Variants in GCN1 observed in about 807,000 individuals in gnomAD.
The protein encoded by GCN1 is stalled ribosome sensor GCN1.
A neutral mutation model predicts 288.4 loss-of-function variants in GCN1; 90 were observed. That is an observed-to-expected ratio of 0.31 (90% CI 0.26 to 0.37). The LOEUF is 0.37. Among genes scored for constraint, GCN1 ranks in the 10% least tolerant of loss-of-function variants. GCN1 has a pLI of 1.00. For synonymous variants in GCN1, 1,386 were observed against 1,420.2 expected (o/e 0.98, Z 0.54); for missense variants, 2,586 against 3,419.9 (o/e 0.76, Z 6.08).
At position 120,158,691 on chromosome 12, in the gene GCN1, C is replaced by T. The variant is rs1877830970; in HGVS notation, c.2750-76G>A. 4.1e-6 allele frequency: 5 copies of T among 1,231,556 alleles called. No individual in the cohort carries two copies. In the South Asian group the frequency reaches 6.0e-5, roughly 15 times the overall value. The allele number at this position is 1,231,556 out of a possible 1,614,324, so 76.3% of individuals were successfully genotyped here. A position where few individuals can be genotyped will look rare whatever the true frequency, so the allele number is the denominator to read the frequency against. ...ATCCAGCCCAGGCTAAAACAGGGGA[C>T]CCAGTGCCTCATCCTTCTGACTTAA... On this transcript the variant is annotated intron_variant, in intron 24 of 57. Transcript: ENST00000300648. The surrounding 1 kb of genome is among the most constrained non-coding windows in gnomAD (Gnocchi z 4.3).
intron 26 of GCN1, 109 bp downstream of exon 26, chr12:120,157,740 A>G (rs1877794778): frequency 1.1e-6 from 1 of 900,014 alleles, no homozygotes; most frequent in African/African-American, 1.7e-5. Context: ...GTATAAACAT[A>G]CACTCTCTAT....
chr12:120,155,657 G>A lies in GCN1; in HGVS notation c.3375C>T (p.Asn1125=), dbSNP rs753075358. ...TGACCACCCAGAGTCTCCGCAGAAG[G>A]TTCAGGCCATTCTTCTCATCAGTAT... The part of the protein sequence containing the change: ...APDTDEKNGL[N]LLRRLWVVKF... Residue 1125 remains asparagine (N), a synonymous_variant, in exon 29 of 58, where the codon AAC becomes AAT. Transcript: ENST00000300648. The surrounding 1 kb of genome is among the most constrained non-coding windows in gnomAD (Gnocchi z 4.9). 10 of 1,613,948 alleles carry A rather than the reference G, an allele frequency of 6.2e-6. No homozygotes were observed. The South Asian group carries it at 6.6e-5, about 11-fold the overall frequency.
Position 120,134,448 on chromosome 12 carries a change from C to A in GCN1, c.7203-43G>T, listed in dbSNP as rs757888191. The A allele has an allele frequency of 2.8e-5, 44 of 1,585,304 alleles. No individual in the cohort carries two copies. The highest frequency in any genetic ancestry group is 3.8e-5 in the Non-Finnish European group (44 of 1,154,200). On this transcript the variant is annotated intron_variant, in intron 52 of 57. Transcript: ENST00000300648. The surrounding 1 kb of genome is among the most constrained non-coding windows in gnomAD (Gnocchi z 5.0). ...CGCCTTAAGCCCTGGGTGCCTCCAC[C>A]ACCACCCCTCCTGCCAGCGCAGGCT... is the stretch of plus-strand genomic sequence containing the variant.
rs773148737 is a variant in GCN1, at chr12:120,137,591, G to A, written c.6617C>T (p.Pro2206Leu). ...ATCCCAGCTCTCCTCCAGAACCACA[G>A]GGCTGGAGTCATTGAAGAGGCGGAT... is the stretch of plus-strand genomic sequence containing the variant. ...GLIRLFNDSS[P>L]VVLEESWDAL... is the part of the protein sequence containing the mutation. The change falls in exon 49 of 58, where the codon CCT (proline) becomes CTT (leucine). Residue 2206 changes from proline (P) to leucine (L), a missense_variant. Around this residue, in one of 8 missense-constraint regions of GCN1, gnomAD observed 437 missense variants for 570.5 expected, o/e 0.77. Transcript: ENST00000300648. The surrounding 1 kb of genome is among the most constrained non-coding windows in gnomAD (Gnocchi z 5.2). The A allele has an allele frequency of 1.2e-6, 2 of 1,614,132 alleles. No individual in the cohort carries two copies. Among genetic ancestry groups the A allele is most frequent in the African/African-American group, 1.3e-5 (1 of 74,946 alleles).
chr12:120,187,106 TAGGCATAAGC>T (rs1878845508), intron 2 of GCN1, among the ~76,000 whole-genome samples: 1 of 152,084 alleles, frequency 6.6e-6, no homozygotes, highest in African/African-American at 2.4e-5. Flanking sequence ...GGTATCTTAC[TAGGCATAAGC>T]AGGTCAGAAG....
rs1211122366 is a variant in GCN1, at chr12:120,127,587, A to G, written c.*262T>C. The G allele has an allele frequency of 2.4e-6, 1 of 412,156 alleles. No individual in the cohort carries two copies. Among genetic ancestry groups the G allele is most frequent in the East Asian group, 4.8e-5 (1 of 20,700 alleles). The allele number at this position is 412,156 out of a possible 1,614,324, so 25.5% of individuals were successfully genotyped here. A position where few individuals can be genotyped will look rare whatever the true frequency, so the allele number is the denominator to read the frequency against. On this transcript the variant is annotated 3_prime_UTR_variant, in exon 58 of 58. Coordinates refer to ENST00000300648, the MANE Select transcript of GCN1 (RefSeq NM_006836.2). ...TCCAGACCTAGCCATGCTAAACTGG[A>G]CAAACAGCTCCTGGGCTGCCATTTG...
chr12:120,150,564 A>G (rs1877509405), intron 34 of GCN1, among the ~76,000 whole-genome samples: 2 of 149,906 alleles, frequency 1.3e-5, no homozygotes, highest in Admixed American at 1.3e-4. Flanking sequence ...CTGGAGACAG[A>G]GTGGGACTCC....
chr12:120,152,496 T>C (rs1250318402), intron 33 of GCN1, among the ~76,000 whole-genome samples: 2 of 133,192 alleles, frequency 1.5e-5, no homozygotes, highest in Non-Finnish European at 3.1e-5. Context: ...TTATTTGCAC[T>C]GTAGCTTAGA....
chr12:120,157,685 G>A (rs1028131444), intron 26 of GCN1, among the ~76,000 whole-genome samples, 164 bp downstream of exon 26: 3 of 152,196 alleles, frequency 2.0e-5, no homozygotes, highest in African/African-American at 7.2e-5. Flanking sequence ...AGTCTGACCC[G>A]TTTTTGCCTT....
chr12:120,175,294 G>T, intron 11 of GCN1, 82 bp from the exon 12 acceptor site: 2 of 1,222,028 alleles, frequency 1.6e-6, no homozygotes, highest in Non-Finnish European at 2.4e-6. Flanking sequence ...CGTGTGTGAT[G>T]CCACGATACG....
intron 2 of GCN1, among the ~76,000 whole-genome samples, chr12:120,185,700 A>G (rs568810266): frequency 6.6e-6 from 1 of 152,244 alleles, no homozygotes; most frequent in East Asian, 1.9e-4. Flanking sequence ...TCCCAGGTTC[A>G]AGTGATTCTC....
Position 120,134,778 on chromosome 12 carries a change from A to C in GCN1, c.7009-52T>G. ...AGACAGTTGTGGTAGACCCAAAGCC[A>C]CAGTGTACCACAGGCATGAGAACAA... On this transcript the variant is annotated intron_variant, in intron 51 of 57. Transcript: ENST00000300648. This position sits in a 1 kb window ranked among gnomAD's most constrained non-coding sequence, Gnocchi z 5.0. 1 of 1,421,106 alleles carries C rather than the reference A, an allele frequency of 7.0e-7. No individual in the cohort carries two copies. Among genetic ancestry groups the C allele is most frequent in the South Asian group, 1.2e-5 (1 of 86,072 alleles). 88.0% of individuals were successfully genotyped at this position (1,421,106 alleles called of 1,614,324 possible).
intron 3 of GCN1, 62 bp downstream of exon 3, chr12:120,184,762 C>T (rs1878769175): frequency 8.2e-7 from 1 of 1,219,242 alleles, no homozygotes; most frequent in African/African-American, 1.5e-5. Flanking sequence ...GCTCTAACCA[C>T]TACTCTAAAT....
intron 21 of GCN1, 48 bp downstream of exon 21, chr12:120,161,832 C>T: frequency 6.4e-7 from 1 of 1,571,464 alleles, no homozygotes; most frequent in Non-Finnish European, 8.7e-7. Context: ...CACAAGAAAA[C>T]TATGCCTTGG....
rs1879117960 is a variant in GCN1, at chr12:120,194,705, G to A, written c.-8C>T. ...CTGCGTGTCCGCCGCCATCCTGCCG[G>A]GGCTGACTCCGGAACCGCTTCCGGA... On this transcript the variant is annotated 5_prime_UTR_variant, in exon 1 of 58. Transcript: ENST00000300648. 2.0e-6 allele frequency: 3 copies of A among 1,509,952 alleles called. No homozygotes were observed. Among genetic ancestry groups the A allele is most frequent in the South Asian group, 1.2e-5 (1 of 81,646 alleles). The allele number at this position is 1,509,952 out of a possible 1,614,324, so 93.5% of individuals were successfully genotyped here.
chr12:120,128,801 A>C (rs1008764485), intron 57 of GCN1, among the ~76,000 whole-genome samples: 5 of 148,056 alleles, frequency 3.4e-5, no homozygotes, highest in Non-Finnish European at 7.4e-5. Context: ...AACCATGGGA[A>C]TGTATGTTTT....
At chr12:120,185,613 A>AT (rs1878795640) in intron 2 of GCN1, among the ~76,000 whole-genome samples, 1 of 151,956 alleles carries the variant, frequency 6.6e-6, no homozygotes, top group African/African-American at 2.4e-5. Flanking sequence ...CCCGCCTTTT[A>AT]TTTTTCAGAC....
intron 5 of GCN1, among the ~76,000 whole-genome samples, chr12:120,181,465 C>CAAAAAAAAAAAAAAAA (rs71072594): frequency 2.7e-5 from 2 of 74,040 alleles, no homozygotes; most frequent in African/African-American, 1.2e-4. Flanking sequence ...ATCTTTGTCT[C>CAAAAAAAAAAAAAAAA]AAAAAAAAAA....
intron 15 of GCN1, among the ~76,000 whole-genome samples, chr12:120,169,692 C>T (rs1014178832): frequency 2.0e-5 from 3 of 152,218 alleles, no homozygotes; most frequent in East Asian, 3.9e-4. Context: ...TTAGTAAAGA[C>T]GGGGTTTCAC....
Sources: gnomAD v4.1 joint callset for allele counts (sites outside exome capture counted in the v4.1 genomes callset) on GRCh38, gnomAD v4.1.1 for gene constraint, gnomAD v4.1.1 regional missense constraint, Gnocchi (gnomAD v3.1) non-coding constraint, MANE v1.5 for transcripts, NCBI Gene and HGNC (gene_info 2026-07-23, HGNC 2026-07-21) for gene names.